Variants in KCTD16 observed in about 807,000 individuals in gnomAD.
The protein encoded by KCTD16 is potassium channel tetramerization domain containing 16.
In KCTD16, 13 loss-of-function variants were observed where a neutral mutation model predicts 33.2. That is an observed-to-expected ratio of 0.39 (90% CI 0.25 to 0.62). The LOEUF (loss-of-function observed/expected upper bound fraction) is 0.62, where lower values mean the gene tolerates loss of function less well. KCTD16 is among the 20% of genes least tolerant of loss of function. KCTD16 has a pLI of 0.50. For missense variants in KCTD16, 441 were observed against 525.1 expected, an observed-to-expected ratio of 0.84 and a Z score of 1.57; for synonymous variants, 197 against 195.3, an observed-to-expected ratio of 1.01 and a Z score of -0.07.
At chr5:144,342,366 GCTCT>G (rs1752670066) in intron 3 of KCTD16, among the ~76,000 whole-genome samples, 1 of 152,036 alleles carries the variant, frequency 6.6e-6, no homozygotes, top group Non-Finnish European at 1.5e-5. Context: ...TCATGATTTG[GCTCT>G]CTGTTTGTCT....
chr5:144,289,397 A>G (rs1159525886), intron 3 of KCTD16, among the ~76,000 whole-genome samples: 2 of 152,200 alleles, frequency 1.3e-5, no homozygotes, highest in African/African-American at 4.8e-5. Context: ...TCTGTCATTA[A>G]TAAGTTTTAC....
intron 3 of KCTD16, among the ~76,000 whole-genome samples, chr5:144,279,398 T>C (rs75714046): frequency 0.012 from 1,783 of 152,360 alleles, 47 homozygotes; most frequent in East Asian, 0.099. Flanking sequence ...GAGAAAGTAT[T>C]CATTCTTTGG....
chr5:144,317,318 GA>G (rs1355355524), intron 3 of KCTD16, among the ~76,000 whole-genome samples: 1 of 152,124 alleles, frequency 6.6e-6, no homozygotes, highest in Non-Finnish European at 1.5e-5. Flanking sequence ...GCTTTGGAGG[GA>G]AGGTGCTGTT....
At chr5:144,368,037 C>T (rs752934484) in intron 3 of KCTD16, among the ~76,000 whole-genome samples, 5 of 152,006 alleles carry the variant, frequency 3.3e-5, no homozygotes, top group Admixed American at 6.6e-5. Flanking sequence ...AAAAAGGGAT[C>T]GTTATTCTGT....
At chr5:144,365,734 A>G (rs1280589239) in intron 3 of KCTD16, among the ~76,000 whole-genome samples, 2 of 152,116 alleles carry the variant, frequency 1.3e-5, no homozygotes, top group Non-Finnish European at 2.9e-5. Flanking sequence ...TCAATGGACA[A>G]CTCAGTAAAG....
Position 144,384,544 on chromosome 5 carries a change from T to A in KCTD16, c.833-89116T>A, listed in dbSNP as rs941062995. Among the ~76,000 whole-genome samples, 4 of 152,324 alleles carry A rather than the reference T, an allele frequency of 2.6e-5. No individual in the cohort carries two copies. In the East Asian group the frequency reaches 7.7e-4, roughly 29 times the overall value. On this transcript the variant is annotated intron_variant, in intron 3 of 3. Coordinates refer to ENST00000512467, the MANE Select transcript of KCTD16 (RefSeq NM_020768.4). ...TCATTATAGCGAAATAAAATTTTAT[T>A]TATTATAACATTGTTTTATTACATC...
chr5:144,442,449 T>G (rs1421509151), intron 3 of KCTD16, among the ~76,000 whole-genome samples: 1 of 146,666 alleles, frequency 6.8e-6, no homozygotes, highest in Admixed American at 6.8e-5. Context: ...CTCTTTTCTT[T>G]CTTCTTTCTT....
intron 3 of KCTD16, among the ~76,000 whole-genome samples, chr5:144,256,365 C>T (rs4912965): frequency 0.25 from 37,412 of 152,040 alleles, 4,824 homozygotes; most frequent in Non-Finnish European, 0.29. Context: ...AAATAATTGA[C>T]GGCTGTTTGC....
intron 3 of KCTD16, among the ~76,000 whole-genome samples, chr5:144,225,917 C>T (rs760473104): frequency 2.6e-5 from 4 of 152,280 alleles, no homozygotes; most frequent in Non-Finnish European, 4.4e-5. Context: ...ATTATAGCAG[C>T]AAGCTTGCAA....
intron 3 of KCTD16, among the ~76,000 whole-genome samples, chr5:144,409,120 A>C (rs1480333324): frequency 6.6e-6 from 1 of 152,226 alleles, no homozygotes; most frequent in African/African-American, 2.4e-5. Context: ...CAAATGGTTG[A>C]ATGAACTGGA....
intron 3 of KCTD16, among the ~76,000 whole-genome samples, chr5:144,320,635 T>C (rs994214968): frequency 6.6e-6 from 1 of 152,158 alleles, no homozygotes; most frequent in Non-Finnish European, 1.5e-5. Context: ...ATAATAAACA[T>C]TTGTGATTTC....
intron 3 of KCTD16, among the ~76,000 whole-genome samples, chr5:144,355,850 T>C (rs1456447452): frequency 6.6e-6 from 1 of 152,126 alleles, no homozygotes; most frequent in Non-Finnish European, 1.5e-5. Flanking sequence ...CAGAATGTCC[T>C]TTTCGCTCCA....
intron 3 of KCTD16, among the ~76,000 whole-genome samples, chr5:144,369,858 T>C (rs1751926425): frequency 6.6e-6 from 1 of 152,218 alleles, no homozygotes; most frequent in African/African-American, 2.4e-5. Flanking sequence ...AATAGTTATG[T>C]ATTTTTAATA....
chr5:144,312,714 G>A (rs1436582283), intron 3 of KCTD16, among the ~76,000 whole-genome samples: 3 of 152,172 alleles, frequency 2.0e-5, no homozygotes, highest in Non-Finnish European at 4.4e-5. Context: ...GTAAAATAAT[G>A]TATCGTTGGC....
chr5:144,459,824 C>CTTTTTTTTTTTTT (rs70995051), intron 3 of KCTD16, among the ~76,000 whole-genome samples: 5 of 66,754 alleles, frequency 7.5e-5, no homozygotes, highest in Admixed American at 2.4e-4. Context: ...CCAATATCAT[C>CTTTTTTTTTTTTT]TTTTTTTTTT....
rs1332903534 is a variant in KCTD16, at chr5:144,478,790, A to G, written c.*4676A>G. On this transcript the variant is annotated 3_prime_UTR_variant, in exon 4 of 4. Transcript: ENST00000512467. ...AAATAAGTCAAAGCATGCATTATTCATTATCTTAAGAGAAAACACCCAAAG... is the reference window on the plus strand; with the variant it reads ...AAATAAGTCAAAGCATGCATTATTCGTTATCTTAAGAGAAAACACCCAAAG... 1 of 151,984 alleles carries G rather than the reference A, an allele frequency of 6.6e-6. No individual in the cohort carries two copies. The allele number at this position is 151,984 out of a possible 1,614,324, so 9.4% of individuals were successfully genotyped here.
At chr5:144,457,288 T>G (rs545278684) in intron 3 of KCTD16, among the ~76,000 whole-genome samples, 1 of 152,220 alleles carries the variant, frequency 6.6e-6, no homozygotes, top group South Asian at 2.1e-4. Flanking sequence ...CACAGTCTAA[T>G]GTAGGAGCCA....
intron 3 of KCTD16, among the ~76,000 whole-genome samples, chr5:144,427,796 A>G (rs190480673): frequency 6.6e-6 from 1 of 152,286 alleles, no homozygotes; most frequent in Admixed American, 6.5e-5. Flanking sequence ...TGGAAATAAC[A>G]TAGACTTTGA....
At chr5:144,446,941 G>T (rs919655751) in intron 3 of KCTD16, among the ~76,000 whole-genome samples, 1 of 152,072 alleles carries the variant, frequency 6.6e-6, no homozygotes, top group Non-Finnish European at 1.5e-5. Flanking sequence ...AAATAGGAAT[G>T]CTTTTACACT....
Sources: gnomAD v4.1 joint callset for allele counts (sites outside exome capture counted in the v4.1 genomes callset) on GRCh38, gnomAD v4.1.1 for gene constraint, MANE v1.5 for transcripts, NCBI Gene and HGNC (gene_info 2026-07-23, HGNC 2026-07-21) for gene names.